Variants in ADAM17 observed in about 807,000 individuals in gnomAD.
ADAM17 encodes disintegrin and metalloproteinase domain-containing protein 17.
A neutral mutation model predicts 96.7 loss-of-function variants in ADAM17; 39 were observed. The observed-to-expected ratio is 0.40, with a 90% confidence interval of 0.31 to 0.53. The LOEUF (loss-of-function observed/expected upper bound fraction) is 0.53, where lower values mean the gene tolerates loss of function less well. ADAM17 is among the 20% of genes least tolerant of loss of function. The probability of loss-of-function intolerance (pLI) is 0.44; values close to 1 mark genes in which losing one functional copy is unlikely to be tolerated. For synonymous variants in ADAM17, 344 were observed against 359.2 expected (o/e 0.96, Z 0.48); for missense variants, 777 against 1,013.2 (o/e 0.77, Z 3.17).
Position 9,526,125 on chromosome 2 carries a change from T to C in ADAM17, c.739A>G (p.Thr247Ala), listed in dbSNP as rs1006652650. The change falls in exon 6 of 19, where the codon ACT (threonine) becomes GCT (alanine). Residue 247 changes from threonine to alanine, a missense_variant. Physicochemically the swap from Thr to Ala is moderately conservative, Grantham distance 58 (BLOSUM62 0). Coordinates refer to ENST00000310823, the MANE Select transcript of ADAM17 (RefSeq NM_003183.6). ...RYMGRGEEST[T>A]TNYLIELIDR... ...CAAATACTTACTAAGTAATTTGTAGTTGTACTCTCTTCCCCTCTGCCCATG... is the reference window on the plus strand; with the variant it reads ...CAAATACTTACTAAGTAATTTGTAGCTGTACTCTCTTCCCCTCTGCCCATG... 7 of 1,609,636 alleles carry C rather than the reference T, an allele frequency of 4.3e-6. No individual in the cohort carries two copies. The highest frequency in any genetic ancestry group is 5.9e-6 in the Non-Finnish European group (7 of 1,178,498).
chr2:9,491,493 G>A lies in ADAM17; in HGVS notation c.2083-342C>T, dbSNP rs549925645. On this transcript the variant is annotated intron_variant, in intron 17 of 18. Coordinates refer to ENST00000310823, the MANE Select transcript of ADAM17 (RefSeq NM_003183.6). ...TGAAATGACAAATGTCCCAGATGCT[G>A]GGTACACCAGGACCGCACTGACTGG... is the stretch of plus-strand genomic sequence containing the variant. Among the ~76,000 whole-genome samples, 12 of 152,312 alleles carry A rather than the reference G, an allele frequency of 7.9e-5. No individual in the cohort carries two copies. The South Asian group carries it at 8.3e-4, about 11-fold the overall frequency.
rs1664972982 is a variant in ADAM17 at position 9,536,680 on chromosome 2, A to C, written c.361+18T>G. ...AATACACCAGACACAGGGGCAAACC[A>C]ACAAGCTCCATACTAACCAACCACG... On this transcript the variant is annotated intron_variant, in intron 3 of 18. Coordinates refer to ENST00000310823, the MANE Select transcript of ADAM17 (RefSeq NM_003183.6). The C allele has an allele frequency of 2.5e-6, 4 of 1,613,284 alleles. No homozygotes were observed. In the East Asian group the frequency reaches 8.9e-5, roughly 36 times the overall value.
intron 11 of ADAM17, among the ~76,000 whole-genome samples, chr2:9,509,661 A>C (rs1245394643): frequency 6.6e-6 from 1 of 152,228 alleles, no homozygotes; most frequent in African/African-American, 2.4e-5. Flanking sequence ...TGAAATGACA[A>C]ATTTTTAACA....
intron 4 of ADAM17, among the ~76,000 whole-genome samples, chr2:9,529,428 G>A (rs564641391): frequency 6.6e-6 from 1 of 151,968 alleles, no homozygotes; most frequent in Non-Finnish European, 1.5e-5. Flanking sequence ...TCCAGCCTGG[G>A]TGACAGAGCA....
chr2:9,493,444 G>A (rs928963045), intron 16 of ADAM17, among the ~76,000 whole-genome samples: 1 of 152,122 alleles, frequency 6.6e-6, no homozygotes, highest in Non-Finnish European at 1.5e-5. Flanking sequence ...ACATCAATCA[G>A]GATTCAGTCT....
At chr2:9,529,026 C>T (rs2125028356) in intron 4 of ADAM17, among the ~76,000 whole-genome samples, 1 of 152,270 alleles carries the variant, frequency 6.6e-6, no homozygotes, top group African/African-American at 2.4e-5. Context: ...TGTCCATCAA[C>T]AACTAATCAA....
rs757161796 is a variant in ADAM17, at chr2:9,555,621, A to T, written c.-16T>A. 2 of 1,547,424 alleles carry T rather than the reference A, an allele frequency of 1.3e-6. No individual in the cohort carries two copies. The highest frequency in any genetic ancestry group is 1.7e-6 in the Non-Finnish European group (2 of 1,143,866). On this transcript the variant is annotated 5_prime_UTR_variant, in exon 1 of 19. Transcript: ENST00000310823. ...ACTGCCTCATGTTCCCGGCCCCGCT[A>T]CCGACTCCACCTCTCTGGGCAGCCT...
intron 6 of ADAM17, 41 bp from the exon 7 acceptor site, chr2:9,523,379 T>C: frequency 6.8e-7 from 1 of 1,467,472 alleles, no homozygotes. Flanking sequence ...TATGTAACTC[T>C]TTACCTCTCC....
chr2:9,514,831 T>C (rs1171014327), intron 10 of ADAM17, among the ~76,000 whole-genome samples: 3 of 150,698 alleles, frequency 2.0e-5, no homozygotes, highest in Non-Finnish European at 4.4e-5. Flanking sequence ...GCCAAGATCA[T>C]GCCATTGCAC....
chr2:9,546,575 C>T (rs1264942334), intron 1 of ADAM17, among the ~76,000 whole-genome samples: 1 of 152,162 alleles, frequency 6.6e-6, no homozygotes, highest in Non-Finnish European at 1.5e-5. Context: ...CTCCCCATTT[C>T]CCAAGAGTTT....
chr2:9,503,128 A>C (rs62117538), intron 12 of ADAM17, among the ~76,000 whole-genome samples: 12,444 of 145,282 alleles, frequency 0.086, 628 homozygotes, highest in African/African-American at 0.13. Flanking sequence ...CAACAGGGCG[A>C]GACTCTCTCA....
At chr2:9,495,818 C>A (rs1188706803) in intron 14 of ADAM17, among the ~76,000 whole-genome samples, 3 of 150,878 alleles carry the variant, frequency 2.0e-5, no homozygotes, top group African/African-American at 7.3e-5. Context: ...AGCCTCTTGG[C>A]ATTCAACACA....
At chr2:9,497,872 T>C (rs1353201450) in intron 13 of ADAM17, among the ~76,000 whole-genome samples, 2 of 152,080 alleles carry the variant, frequency 1.3e-5, no homozygotes, top group Admixed American at 6.6e-5. Context: ...TCATTGCATA[T>C]GTTTTGCAAT....
chr2:9,515,630 A>G (rs992002144), intron 10 of ADAM17, among the ~76,000 whole-genome samples: 3 of 151,560 alleles, frequency 2.0e-5, no homozygotes, highest in African/African-American at 7.3e-5. Flanking sequence ...CCAGCTACTC[A>G]GGAGACTGAG....
intron 11 of ADAM17, among the ~76,000 whole-genome samples, chr2:9,507,441 G>A (rs1293033852): frequency 6.6e-6 from 1 of 152,170 alleles, no homozygotes; most frequent in African/African-American, 2.4e-5. Context: ...GGTGGAGGTT[G>A]CAGTGAGCAG....
At chr2:9,522,354 G>A in intron 7 of ADAM17, 1 of 533,900 alleles carries the variant, frequency 1.9e-6, no homozygotes, top group Non-Finnish European at 3.4e-6. Flanking sequence ...TTGGGGAAAG[G>A]AACTGGTTTG....
chr2:9,502,996 C>T (rs1447098348), intron 12 of ADAM17, among the ~76,000 whole-genome samples: 1 of 150,876 alleles, frequency 6.6e-6, no homozygotes, highest in African/African-American at 2.4e-5. Flanking sequence ...AAAAATTAGC[C>T]GGGCATGGTG....
chr2:9,545,751 A>C (rs1665381224), intron 1 of ADAM17, among the ~76,000 whole-genome samples: 2 of 152,294 alleles, frequency 1.3e-5, no homozygotes, highest in East Asian at 1.9e-4. Flanking sequence ...ACTTCCAAAG[A>C]CAGGGGAAAA....
At chr2:9,542,496 C>G (rs146709774) in intron 2 of ADAM17, among the ~76,000 whole-genome samples, 7 of 152,116 alleles carry the variant, frequency 4.6e-5, no homozygotes, top group African/African-American at 1.7e-4. Flanking sequence ...GGGTCCTGAA[C>G]AAAATCTTTA....
Sources: allele counts gnomAD v4.1 joint callset (sites outside exome capture counted in the v4.1 genomes callset), GRCh38; gene constraint gnomAD v4.1.1; transcripts MANE v1.5; gene names NCBI Gene and HGNC (gene_info 2026-07-23, HGNC 2026-07-21).